TSHR: variants seen among roughly 807,000 people sequenced by gnomAD.
The protein encoded by TSHR is thyrotropin receptor.
TSHR carries 51 observed loss-of-function variants against 64.1 expected under a neutral mutation model. The observed-to-expected ratio is 0.80, with a 90% CI of 0.64 to 1.01. The LOEUF is 1.01. Ranked by LOEUF, TSHR falls within the 50% of genes least tolerant of loss-of-function variation. The pLI is 0.00. For missense variants in TSHR, 877 were observed against 942.8 expected, an observed-to-expected ratio of 0.93 and a Z score of 0.91; for synonymous variants, 361 against 361.9, an observed-to-expected ratio of 1.00 and a Z score of 0.03.
At chr14:80,957,115 G>A (rs1886736791) in intron 1 of TSHR, among the ~76,000 whole-genome samples, 1 of 152,082 alleles carries the variant, frequency 6.6e-6, no homozygotes, top group Non-Finnish European at 1.5e-5. Flanking sequence ...AAAGGTCCCT[G>A]CTGTTACAGC....
At chr14:81,120,071 C>A (rs1238470540) in intron 8 of TSHR, among the ~76,000 whole-genome samples, 1 of 136,078 alleles carries the variant, frequency 7.3e-6, no homozygotes, top group African/African-American at 2.8e-5. Context: ...GGAGATATAC[C>A]TAATGCTAGA....
chr14:80,988,068 G>C lies in TSHR; in HGVS notation c.170+32218G>C, dbSNP rs148194526. Reference sequence around the variant, plus strand: ...TAGGTCTGAAGTAGAGGTCTCTTTTGACCTATTGTCATCATTAAAATCCCA... The same window carrying C: ...TAGGTCTGAAGTAGAGGTCTCTTTTCACCTATTGTCATCATTAAAATCCCA... On this transcript the variant is annotated intron_variant, in intron 1 of 9. Coordinates refer to ENST00000298171, the MANE Select transcript of TSHR (RefSeq NM_000369.5). 3.5e-3 allele frequency among the ~76,000 whole-genome samples: 527 copies of C among 152,162 alleles called. 4 individuals carry two copies. The highest frequency in any genetic ancestry group is 0.012 in the African/African-American group (507 of 41,500).
chr14:80,969,820 T>C (rs1887506775), intron 1 of TSHR, among the ~76,000 whole-genome samples: 2 of 152,218 alleles, frequency 1.3e-5, no homozygotes, highest in South Asian at 4.1e-4. Flanking sequence ...ACAGAATTTG[T>C]TCCCACCCCC....
chr14:80,979,324 T>C (rs1390056769), intron 1 of TSHR, among the ~76,000 whole-genome samples: 1 of 93,448 alleles, frequency 1.1e-5, no homozygotes, highest in Non-Finnish European at 2.4e-5. Flanking sequence ...ATTGATCTCA[T>C]AGAAGCAGAG....
At chr14:81,105,169 G>A in intron 7 of TSHR, 1 of 985,346 alleles carries the variant, frequency 1.0e-6, no homozygotes, top group Non-Finnish European at 1.2e-6. Context: ...ATCCAAGCTG[G>A]TTACAAATGT....
intron 1 of TSHR, among the ~76,000 whole-genome samples, chr14:80,997,488 GT>G (rs1235222759): frequency 6.6e-6 from 1 of 152,122 alleles, no homozygotes; most frequent in Non-Finnish European, 1.5e-5. Flanking sequence ...GATTAAATGG[GT>G]TTTATTCCTG....
At chr14:81,142,621 T>G (rs1891740997) in intron 9 of TSHR, among the ~76,000 whole-genome samples, 1 of 150,488 alleles carries the variant, frequency 6.6e-6, no homozygotes, top group East Asian at 1.9e-4. Context: ...TTTTTTTTTT[T>G]TTTTTGAGAC....
At chr14:81,050,696 T>C (rs1247649523) in intron 1 of TSHR, 1 of 152,204 alleles carries the variant, frequency 6.6e-6, no homozygotes, top group Non-Finnish European at 1.5e-5. Flanking sequence ...AAAACTATTT[T>C]TAATTGACAA....
At position 80,963,153 on chromosome 14, in the gene TSHR, A is replaced by G. The variant is rs75350548; in HGVS notation, c.170+7303A>G. Among the ~76,000 whole-genome samples, 56 of 152,362 alleles carry G rather than the reference A, an allele frequency of 3.7e-4. No individual in the cohort carries two copies. The East Asian group carries it at 9.4e-3, about 26-fold the overall frequency. Reference sequence around the variant, plus strand: ...CAACTTCTGTTAATACAAATACTCAAAATACCAAATATATATTGATTATTC... The same window carrying G: ...CAACTTCTGTTAATACAAATACTCAGAATACCAAATATATATTGATTATTC... On this transcript the variant is annotated intron_variant, in intron 1 of 9. Coordinates refer to ENST00000298171, the MANE Select transcript of TSHR (RefSeq NM_000369.5).
At chr14:81,017,279 A>C (rs1883464237) in intron 1 of TSHR, among the ~76,000 whole-genome samples, 2 of 152,176 alleles carry the variant, frequency 1.3e-5, no homozygotes, top group African/African-American at 4.8e-5. Flanking sequence ...AAAAAATTTC[A>C]ACTAATTCTG....
intron 1 of TSHR, among the ~76,000 whole-genome samples, chr14:80,985,142 C>T (rs1248576644): frequency 6.6e-6 from 1 of 152,148 alleles, no homozygotes; most frequent in East Asian, 1.9e-4. Context: ...CCCAGCTACT[C>T]AGGAGGCTGA....
intron 7 of TSHR, chr14:81,106,937 T>TA (rs1889933125): frequency 1.6e-5 from 1 of 61,966 alleles, no homozygotes; most frequent in Admixed American, 2.0e-4. Context: ...AGACTCCATC[T>TA]CAAAAAAAAA....
chr14:81,127,593 G>T (rs1891069257), intron 8 of TSHR, among the ~76,000 whole-genome samples: 1 of 152,148 alleles, frequency 6.6e-6, no homozygotes, highest in South Asian at 2.1e-4. Context: ...CCCACATGTT[G>T]TGGGAGGGAC....
intron 1 of TSHR, among the ~76,000 whole-genome samples, chr14:81,005,087 T>C (rs1422669099): frequency 6.6e-6 from 1 of 152,210 alleles, no homozygotes; most frequent in East Asian, 1.9e-4. Flanking sequence ...TGAAAATATG[T>C]TCCTTTTCTC....
chr14:80,988,152 G>T (rs1419784371), intron 1 of TSHR, among the ~76,000 whole-genome samples: 1 of 152,100 alleles, frequency 6.6e-6, no homozygotes, highest in Non-Finnish European at 1.5e-5. Flanking sequence ...CATGCATTGG[G>T]TAAAAATTTA....
chr14:81,033,742 G>T (rs150238987), intron 1 of TSHR, among the ~76,000 whole-genome samples: 281 of 152,048 alleles, frequency 1.8e-3, no homozygotes, highest in African/African-American at 6.5e-3. Context: ...GTACAGCCTA[G>T]CTCTACCACA....
chr14:81,146,081 C>G lies in TSHR; in HGVS notation c.*1728C>G, dbSNP rs1041070948. The stretch of plus-strand genomic sequence containing the variant: ...GAAAATCATGACTTACCTAGAAGTT[C>G]GCTTGTAACTAATGAAATTAAACAA... On this transcript the variant is annotated 3_prime_UTR_variant, in exon 10 of 10. Transcript: ENST00000298171. The G allele has an allele frequency of 4.4e-6, 1 of 229,606 alleles. No homozygotes were observed. Among genetic ancestry groups the G allele is most frequent in the Admixed American group, 5.7e-5 (1 of 17,648 alleles). 14.2% of individuals were successfully genotyped at this position (229,606 alleles called of 1,614,324 possible). A position where few individuals can be genotyped will look rare whatever the true frequency, so the allele number is the denominator to read the frequency against.
In TSHR at chr14:81,144,274, A is replaced by G. The variant is rs1456730983; in HGVS notation, c.2216A>G (p.Tyr739Cys). Reference protein sequence around the residue: ...RQGLHNMEDVYELIENSHLTP... With the variant: ...RQGLHNMEDVCELIENSHLTP... ...GGTCTCCACAACATGGAAGATGTCTATGAACTGATTGAAAACTCCCATCTA... is the reference window on the plus strand; with the variant it reads ...GGTCTCCACAACATGGAAGATGTCTGTGAACTGATTGAAAACTCCCATCTA... Residue 739 changes from tyrosine to cysteine, a missense_variant, in exon 10 of 10, where the codon TAT becomes TGT. Transcript: ENST00000298171. 2 of 1,614,166 alleles carry G rather than the reference A, an allele frequency of 1.2e-6. No individual in the cohort carries two copies. Among genetic ancestry groups the G allele is most frequent in the Admixed American group, 1.7e-5 (1 of 60,034 alleles).
chr14:80,990,657 A>G, intron 1 of TSHR, among the ~76,000 whole-genome samples: 1 of 119,232 alleles, frequency 8.4e-6, no homozygotes, highest in Admixed American at 9.1e-5. Flanking sequence ...AGGCTGAAAC[A>G]GAATTTTTTT....
Sources: gnomAD v4.1 joint callset for allele counts (sites outside exome capture counted in the v4.1 genomes callset) on GRCh38, gnomAD v4.1.1 for gene constraint, MANE v1.5 for transcripts, NCBI Gene and HGNC (gene_info 2026-07-23, HGNC 2026-07-21) for gene names.